The following GRM5 variants were observed in gnomAD, a reference collection of about 807,000 sequenced individuals.
The protein encoded by GRM5 is glutamate metabotropic receptor 5.
GRM5 carries 19 observed loss-of-function variants against 83.1 expected under a neutral mutation model. The ratio of observed to expected loss-of-function variants is 0.23; its 90% CI spans 0.16 to 0.34. GRM5 has a LOEUF of 0.34. Ranked by LOEUF, GRM5 falls within the 10% of genes least tolerant of loss-of-function variation. GRM5 has a pLI of 1.00. For missense variants in GRM5, 1,160 were observed against 1,588.3 expected, an observed-to-expected ratio of 0.73 and a Z score of 4.58; for synonymous variants, 675 against 633.6, an observed-to-expected ratio of 1.07 and a Z score of -0.98.
intron 3 of GRM5, among the ~76,000 whole-genome samples, chr11:88,669,374 A>G (rs1157436758): frequency 2.6e-5 from 4 of 152,108 alleles, no homozygotes; most frequent in Admixed American, 2.6e-4. Context: ...ATAACACAAC[A>G]GTAAAATGTT....
chr11:88,840,683 T>G (rs1944183100), intron 3 of GRM5, among the ~76,000 whole-genome samples: 1 of 152,218 alleles, frequency 6.6e-6, no homozygotes, highest in Non-Finnish European at 1.5e-5. Flanking sequence ...TTGTCTCTAT[T>G]TGGATCCTCT....
intron 2 of GRM5, among the ~76,000 whole-genome samples, chr11:88,955,832 A>G (rs1475616644): frequency 2.0e-5 from 3 of 152,186 alleles, no homozygotes; most frequent in Admixed American, 6.5e-5. Flanking sequence ...TTTCTTAGCA[A>G]TTCTGATCTT....
chr11:89,045,251 G>A (rs1161073903), intron 2 of GRM5, among the ~76,000 whole-genome samples: 1 of 152,064 alleles, frequency 6.6e-6, no homozygotes, highest in African/African-American at 2.4e-5. Flanking sequence ...TTATATTTCA[G>A]TAGGTAAATT....
chr11:88,649,162 T>C (rs1939553869), intron 4 of GRM5, among the ~76,000 whole-genome samples: 1 of 139,786 alleles, frequency 7.2e-6, no homozygotes, highest in South Asian at 2.1e-4. Flanking sequence ...CATATATACA[T>C]ACATGTGTAT....
At chr11:88,584,205 T>C (rs1943267486) in intron 7 of GRM5, among the ~76,000 whole-genome samples, 2 of 144,222 alleles carry the variant, frequency 1.4e-5, no homozygotes, top group African/African-American at 5.1e-5. Flanking sequence ...TGTTTCAAAT[T>C]ACACACACAC....
At chr11:88,765,958 T>C (rs1942618059) in intron 3 of GRM5, among the ~76,000 whole-genome samples, 2 of 151,766 alleles carry the variant, frequency 1.3e-5, no homozygotes, top group Admixed American at 6.6e-5. Context: ...GGGACTTATA[T>C]CCAGAAAATA....
intron 2 of GRM5, among the ~76,000 whole-genome samples, chr11:88,921,022 A>G (rs929240105): frequency 1.7e-4 from 26 of 152,084 alleles, no homozygotes; most frequent in Non-Finnish European, 2.9e-4. Context: ...AATAGAATCT[A>G]TTGTACCCTC....
In GRM5 at chr11:89,047,689, C is replaced by A. The variant is rs1166105452; in HGVS notation, c.184G>T (p.Glu62Ter). The A allele has an allele frequency of 6.2e-7, 1 of 1,614,060 alleles. No individual in the cohort carries two copies. ...TCCACTCTCTGAATGCCATACTGTT[C>A]ACGGACCGCCCCACACTTCCTCTCA... ...VHERKCGAVR[E>*]QYGIQRVEAM... The change falls in exon 2 of 10, where the codon GAA (glutamate) becomes TAA (stop). Residue 62 changes from glutamate to a stop codon, truncating the protein, a stop_gained. Coordinates refer to ENST00000305447, the MANE Select transcript of GRM5 (RefSeq NM_001143831.3). LOFTEE classifies it high-confidence loss of function. This position sits in a 1 kb window ranked among gnomAD's most constrained non-coding sequence, Gnocchi z 5.1.
intron 1 of GRM5, among the ~76,000 whole-genome samples, chr11:89,064,327 A>G (rs1285819836): frequency 4.6e-5 from 7 of 151,998 alleles, no homozygotes; most frequent in African/African-American, 1.2e-4. Flanking sequence ...ATAAAACACT[A>G]AAAAAATAGC....
rs554105031 is a variant in GRM5, at chr11:88,552,242, G to T, written c.2630+14811C>A. On this transcript the variant is annotated intron_variant, in intron 8 of 9. Transcript: ENST00000305447. Reference sequence around the variant, plus strand: ...GGGTCTTGCTATGTCATCCAGGCTGGTCTTGAACTCCTGGCCTCAAGTGAT... The same window carrying T: ...GGGTCTTGCTATGTCATCCAGGCTGTTCTTGAACTCCTGGCCTCAAGTGAT... 7.2e-5 allele frequency among the ~76,000 whole-genome samples: 11 copies of T among 152,088 alleles called. No homozygotes were observed. In the South Asian group the frequency reaches 2.3e-3, roughly 32 times the overall value.
intron 2 of GRM5, among the ~76,000 whole-genome samples, chr11:88,871,731 C>A (rs542379371): frequency 1.3e-5 from 2 of 151,600 alleles, no homozygotes; most frequent in Middle Eastern, 3.4e-3. Flanking sequence ...TATTTTCATT[C>A]TTCAGAGTTA....
chr11:88,571,963 C>T (rs896087638), intron 7 of GRM5, among the ~76,000 whole-genome samples: 4 of 152,048 alleles, frequency 2.6e-5, no homozygotes, highest in African/African-American at 9.7e-5. Flanking sequence ...TTGGTAAAGA[C>T]ATTTCAGAAC....
intron 3 of GRM5, among the ~76,000 whole-genome samples, chr11:88,775,281 G>T (rs186415628): frequency 0.041 from 4,688 of 115,036 alleles, 214 homozygotes; most frequent in African/African-American, 0.13. Flanking sequence ...GGGATCAGTG[G>T]TGATATCCCC....
intron 3 of GRM5, among the ~76,000 whole-genome samples, chr11:88,662,843 C>G (rs998296091): frequency 6.6e-6 from 1 of 152,124 alleles, no homozygotes. Context: ...CACAGACCAC[C>G]AAATTCAGCC....
At chr11:88,841,846 ACAAT>A (rs1386263957) in intron 3 of GRM5, among the ~76,000 whole-genome samples, 1 of 152,194 alleles carries the variant, frequency 6.6e-6, no homozygotes, top group Non-Finnish European at 1.5e-5. Context: ...ATAATCAGGA[ACAAT>A]CACTTTTCAC....
chr11:88,989,196 G>T (rs1175587391), intron 2 of GRM5, among the ~76,000 whole-genome samples: 2 of 146,384 alleles, frequency 1.4e-5, no homozygotes, highest in African/African-American at 5.0e-5. Context: ...ACAAAAAAAG[G>T]CAGGGGTTGC....
chr11:88,848,592 T>C (rs1334570601), intron 3 of GRM5, among the ~76,000 whole-genome samples: 1 of 152,226 alleles, frequency 6.6e-6, no homozygotes, highest in Non-Finnish European at 1.5e-5. Context: ...TGGTACATAA[T>C]GTTTTAAAGG....
At chr11:88,962,256 T>A (rs1938808201) in intron 2 of GRM5, among the ~76,000 whole-genome samples, 1 of 152,114 alleles carries the variant, frequency 6.6e-6, no homozygotes, top group Admixed American at 6.6e-5. Flanking sequence ...GTTTAATAAT[T>A]TAGCCATCCA....
intron 3 of GRM5, among the ~76,000 whole-genome samples, chr11:88,807,769 T>A (rs1207300120): frequency 6.6e-6 from 1 of 152,058 alleles, no homozygotes; most frequent in East Asian, 1.9e-4. Flanking sequence ...TTTTTAGGCA[T>A]CTGAAATTAA....
Sources: gnomAD v4.1 joint callset for allele counts (sites outside exome capture counted in the v4.1 genomes callset) on GRCh38, gnomAD v4.1.1 for gene constraint, Gnocchi (gnomAD v3.1) non-coding constraint, MANE v1.5 for transcripts, NCBI Gene and HGNC (gene_info 2026-07-23, HGNC 2026-07-21) for gene names.